Variants in XPR1 observed in about 807,000 individuals in gnomAD.
The protein encoded by XPR1 is solute carrier family 53 member 1.
In XPR1, 28 loss-of-function variants were observed where a neutral mutation model predicts 87.5. That is an observed-to-expected ratio of 0.32 (90% confidence interval 0.24 to 0.44). The LOEUF is 0.44. Ranked by LOEUF, XPR1 falls within the 20% of genes least tolerant of loss-of-function variation. The pLI, the probability that XPR1 is intolerant of heterozygous loss-of-function variation, is 1.00. For synonymous variants in XPR1, 300 were observed against 306.1 expected, an observed-to-expected ratio of 0.98 and a Z score of 0.21; for missense variants, 559 against 862.3, an observed-to-expected ratio of 0.65 and a Z score of 4.41.
intron 6 of XPR1, among the ~76,000 whole-genome samples, chr1:180,810,719 A>G (rs1650176937): frequency 6.6e-6 from 1 of 151,992 alleles, no homozygotes; most frequent in South Asian, 2.1e-4. Flanking sequence ...AAAAATTTAC[A>G]ATTTCATTGT....
At chr1:180,721,531 T>C (rs1430281286) in intron 2 of XPR1, among the ~76,000 whole-genome samples, 7 of 152,226 alleles carry the variant, frequency 4.6e-5, no homozygotes, top group Non-Finnish European at 1.0e-4. Context: ...ATTTTACTCC[T>C]GGCTATGTGG....
intron 2 of XPR1, among the ~76,000 whole-genome samples, chr1:180,738,251 A>C (rs1658794531): frequency 6.6e-6 from 1 of 152,132 alleles, no homozygotes; most frequent in Non-Finnish European, 1.5e-5. Context: ...AACTCAAGTG[A>C]TCTGCACACC....
At chr1:180,638,694 T>G (rs11801890) in intron 1 of XPR1, among the ~76,000 whole-genome samples, 5,190 of 152,186 alleles carry the variant, frequency 0.034, 132 homozygotes, top group African/African-American at 0.07. Context: ...TGTGTATGTG[T>G]GTATTTGGTT....
At chr1:180,804,331 A>G (rs1288287863) in intron 4 of XPR1, among the ~76,000 whole-genome samples, 2 of 152,252 alleles carry the variant, frequency 1.3e-5, no homozygotes, top group Non-Finnish European at 2.9e-5. Flanking sequence ...AAAAGCTATC[A>G]GATAGTTAAT....
intron 11 of XPR1, among the ~76,000 whole-genome samples, chr1:180,848,944 A>G (rs1364999499): frequency 1.3e-5 from 2 of 152,172 alleles, no homozygotes; most frequent in East Asian, 1.9e-4. Context: ...CAAAGGAGAA[A>G]AGCCATGTGG....
rs532194081 is a variant in XPR1 at position 180,645,083 on chromosome 1, A to T, written c.69+12813A>T. Among the ~76,000 whole-genome samples, 12 of 152,308 alleles carry T rather than the reference A, an allele frequency of 7.9e-5. No homozygotes were observed. In the East Asian group the frequency reaches 2.3e-3, roughly 29 times the overall value. ...GATAATCTCAGGACATTCTGCCTTG[A>T]CTTGAATCCAGAATGTGTGGAAATT... On this transcript the variant is annotated intron_variant, in intron 1 of 14. Coordinates refer to ENST00000367590, the MANE Select transcript of XPR1 (RefSeq NM_004736.4).
chr1:180,787,959 C>G, intron 3 of XPR1, 105 bp downstream of exon 3: 1 of 802,316 alleles, frequency 1.2e-6, no homozygotes. Flanking sequence ...TCTTGTTTTC[C>G]TTACTATACT....
chr1:180,877,677 A>G (rs1652706397), intron 13 of XPR1, among the ~76,000 whole-genome samples: 1 of 152,186 alleles, frequency 6.6e-6, no homozygotes, highest in African/African-American at 2.4e-5. Flanking sequence ...CTTTATGATA[A>G]TTAAGCTGTA....
At chr1:180,828,624 G>A (rs1650947069) in intron 9 of XPR1, among the ~76,000 whole-genome samples, 2 of 152,148 alleles carry the variant, frequency 1.3e-5, no homozygotes, top group South Asian at 4.1e-4. Context: ...GAGAGGTGTT[G>A]TCATTTAGTA....
At chr1:180,825,597 A>G (rs1409037803) in intron 9 of XPR1, among the ~76,000 whole-genome samples, 2 of 152,204 alleles carry the variant, frequency 1.3e-5, no homozygotes, top group Non-Finnish European at 2.9e-5. Flanking sequence ...CTGTGATAAG[A>G]TGTAGAACTT....
chr1:180,653,140 T>C (rs1655347500), intron 1 of XPR1, among the ~76,000 whole-genome samples: 1 of 152,230 alleles, frequency 6.6e-6, no homozygotes, highest in African/African-American at 2.4e-5. Context: ...CAGTGTCTTT[T>C]ATGACCTAGC....
chr1:180,815,990 A>G (rs1650394716), intron 7 of XPR1, among the ~76,000 whole-genome samples: 2 of 152,232 alleles, frequency 1.3e-5, no homozygotes, highest in African/African-American at 4.8e-5. Flanking sequence ...TTATAGTAGA[A>G]AAATCCTAGA....
intron 2 of XPR1, among the ~76,000 whole-genome samples, chr1:180,733,245 A>G (rs373705823): frequency 3.3e-5 from 5 of 152,026 alleles, no homozygotes; most frequent in East Asian, 1.9e-4. Context: ...TCCTTACCCT[A>G]TGTCCGTGGG....
At chr1:180,769,786 T>C (rs1443912604) in intron 2 of XPR1, among the ~76,000 whole-genome samples, 1 of 152,206 alleles carries the variant, frequency 6.6e-6, no homozygotes. Flanking sequence ...TTCTTTTGGG[T>C]ATACCCAGCA....
At chr1:180,877,787 C>G (rs1240844280) in intron 13 of XPR1, among the ~76,000 whole-genome samples, 1 of 151,928 alleles carries the variant, frequency 6.6e-6, no homozygotes, top group Non-Finnish European at 1.5e-5. Flanking sequence ...GACTAACTTT[C>G]AACAGCAACA....
At chr1:180,685,078 A>G (rs933860244) in intron 2 of XPR1, among the ~76,000 whole-genome samples, 3 of 151,972 alleles carry the variant, frequency 2.0e-5, no homozygotes, top group African/African-American at 4.8e-5. Flanking sequence ...TTCAAAGGGA[A>G]TGCTTCCAGT....
intron 2 of XPR1, among the ~76,000 whole-genome samples, chr1:180,709,020 T>C (rs1657661741): frequency 6.6e-6 from 1 of 150,572 alleles, no homozygotes; most frequent in African/African-American, 2.4e-5. Context: ...CAAGCAGTTC[T>C]CCTGCCTCAG....
intron 1 of XPR1, among the ~76,000 whole-genome samples, chr1:180,633,667 A>G (rs1036092331): frequency 3.3e-5 from 5 of 152,194 alleles, no homozygotes; most frequent in African/African-American, 9.6e-5. Flanking sequence ...TTCTTACAGT[A>G]TTTTGTGGCC....
At chr1:180,757,387 C>G (rs1015800441) in intron 2 of XPR1, among the ~76,000 whole-genome samples, 4 of 151,760 alleles carry the variant, frequency 2.6e-5, no homozygotes, top group African/African-American at 9.7e-5. Flanking sequence ...TAAAAGATCT[C>G]ACAAATGAAG....
Sources: allele counts gnomAD v4.1 joint callset (sites outside exome capture counted in the v4.1 genomes callset), GRCh38; gene constraint gnomAD v4.1.1; transcripts MANE v1.5; gene names NCBI Gene and HGNC (gene_info 2026-07-23, HGNC 2026-07-21).